Variants in FRMPD4 observed in about 807,000 individuals in gnomAD.
The protein encoded by FRMPD4 is FERM and PDZ domain containing 4, also known as FERM and PDZ domain-containing protein 4.
A neutral mutation model predicts 94.1 loss-of-function variants in FRMPD4; 22 were observed. That is an observed-to-expected ratio of 0.23 (90% CI 0.17 to 0.33). The LOEUF (loss-of-function observed/expected upper bound fraction) is 0.33. Ranked by LOEUF, FRMPD4 falls within the 10% of genes least tolerant of loss-of-function variation. FRMPD4 has a pLI of 1.00. For synonymous variants in FRMPD4, 631 were observed against 548.6 expected, an observed-to-expected ratio of 1.15 and a Z score of -2.10; for missense variants, 1,111 against 1,339.9, an observed-to-expected ratio of 0.83 and a Z score of 2.67.
intron 6 of FRMPD4, among the ~76,000 whole-genome samples, chrX:12,685,753 C>T (rs1022376719): frequency 4.5e-5 from 5 of 112,069 alleles, no homozygotes; most frequent in Non-Finnish European, 7.5e-5. Flanking sequence ...CAAACAGCAT[C>T]ATTGCTGGTC....
intron 4 of FRMPD4, among the ~76,000 whole-genome samples, chrX:12,665,149 GA>G (rs148619232): frequency 8.3e-4 from 90 of 108,309 alleles, no homozygotes; most frequent in African/African-American, 2.8e-3. Context: ...CTTTAAAAAA[GA>G]AAAAAAAACG....
chrX:12,713,471 G>C (rs1302189662), intron 14 of FRMPD4, among the ~76,000 whole-genome samples: 1 of 89,062 alleles, frequency 1.1e-5, no homozygotes, highest in Non-Finnish European at 2.2e-5. Context: ...ATACAGGGCG[G>C]GAGGTAGGTG....
At chrX:12,713,713 C>T (rs1290273401) in intron 14 of FRMPD4, among the ~76,000 whole-genome samples, 7 of 111,619 alleles carry the variant, frequency 6.3e-5, no homozygotes, top group Non-Finnish European at 7.5e-5. Context: ...TCTCTCCTTC[C>T]ACTCTGTAGG....
chrX:12,039,967 CAAAAAAAAAAAA>C (rs367795862), intron 3 of FRMPD4, among the ~76,000 whole-genome samples: 5 of 32,015 alleles, frequency 1.6e-4, no homozygotes, highest in African/African-American at 5.8e-4. Context: ...AAAACTTTGT[CAAAAAAAAAAAA>C]AAAAAGAAAA....
chrX:11,911,602 G>T (rs968657020), intron 3 of FRMPD4, among the ~76,000 whole-genome samples: 4 of 111,706 alleles, frequency 3.6e-5, no homozygotes, highest in Non-Finnish European at 7.5e-5. Context: ...CAGCAGGGAG[G>T]CTCCTCCTGA....
chrX:12,273,237 C>T (rs1410324931), intron 1 of FRMPD4, among the ~76,000 whole-genome samples: 1 of 111,825 alleles, frequency 8.9e-6, no homozygotes, highest in African/African-American at 3.3e-5. Flanking sequence ...ACAAAATGAA[C>T]GCCTTAAAAA....
intron 3 of FRMPD4, among the ~76,000 whole-genome samples, chrX:12,036,197 G>T (rs2054719511): frequency 9.0e-6 from 1 of 111,524 alleles, no homozygotes; most frequent in Non-Finnish European, 1.9e-5. Context: ...GTGTGATGTA[G>T]CTTGAAGGAC....
chrX:12,053,560 T>C (rs1312412287), intron 3 of FRMPD4, among the ~76,000 whole-genome samples: 1 of 109,400 alleles, frequency 9.1e-6, no homozygotes, highest in Admixed American at 9.7e-5. Context: ...CAGATTCTGG[T>C]GGGAAACAGT....
chrX:12,075,452 T>C (rs1204620730), intron 3 of FRMPD4, among the ~76,000 whole-genome samples: 1 of 112,048 alleles, frequency 8.9e-6, no homozygotes, highest in Non-Finnish European at 1.9e-5. Context: ...AAAGACTGCA[T>C]TAAAAATAAT....
chrX:11,848,858 T>C (rs2053602059), intron 1 of FRMPD4, among the ~76,000 whole-genome samples: 2 of 111,912 alleles, frequency 1.8e-5, no homozygotes, highest in Admixed American at 9.6e-5. Context: ...TCATACTCAA[T>C]TGTGAAAGAC....
At chrX:12,063,139 G>A (rs1420470632) in intron 3 of FRMPD4, among the ~76,000 whole-genome samples, 1 of 111,758 alleles carries the variant, frequency 8.9e-6, no homozygotes, top group Non-Finnish European at 1.9e-5. Context: ...AGAGGCCAAG[G>A]TGGGAAGATA....
chrX:11,860,982 A>G (rs16986601), intron 1 of FRMPD4, among the ~76,000 whole-genome samples: 5,458 of 112,147 alleles, frequency 0.049, 315 homozygotes, highest in African/African-American at 0.17. Context: ...AGACTCTTGA[A>G]TTCAGTTGAA....
chrX:12,606,182 A>G (rs2059130760), intron 2 of FRMPD4, among the ~76,000 whole-genome samples: 2 of 112,647 alleles, frequency 1.8e-5, no homozygotes, highest in African/African-American at 6.5e-5. Context: ...AGATACTATT[A>G]CTTGTTCCTG....
intron 3 of FRMPD4, among the ~76,000 whole-genome samples, chrX:12,009,956 A>G (rs983660963): frequency 8.9e-6 from 1 of 112,188 alleles, no homozygotes; most frequent in Non-Finnish European, 1.9e-5. Context: ...GGTTCTCATA[A>G]AAATAGTAAG....
intron 2 of FRMPD4, among the ~76,000 whole-genome samples, chrX:12,595,198 A>G (rs2059020208): frequency 1.8e-5 from 2 of 111,872 alleles, no homozygotes; most frequent in South Asian, 7.6e-4. Context: ...TGAGGAAGAC[A>G]GAAAGGCATA....
chrX:12,714,754 A>C (rs1374814750), intron 14 of FRMPD4, among the ~76,000 whole-genome samples: 1 of 111,493 alleles, frequency 9.0e-6, no homozygotes, highest in African/African-American at 3.3e-5. Context: ...CCACACTCAC[A>C]CACACACTTC....
In FRMPD4 at chrX:12,518,840, C is replaced by T. The variant is rs181243888; in HGVS notation, c.158+20044C>T. Among the ~76,000 whole-genome samples the T allele has an allele frequency of 2.7e-5, 3 of 112,282 alleles. No homozygotes were observed. The East Asian group carries it at 8.3e-4, about 31-fold the overall frequency. On this transcript the variant is annotated intron_variant, in intron 2 of 16. Transcript: ENST00000675598. ...GTGCGCGCGTGCACACACACACACA[C>T]ACACACAAACTGCTAAAACAAATTC...
At chrX:11,873,254 A>C (rs1049336302) in intron 2 of FRMPD4, among the ~76,000 whole-genome samples, 2 of 107,745 alleles carry the variant, frequency 1.9e-5, no homozygotes, top group African/African-American at 6.7e-5. Flanking sequence ...GAGTAGCAAG[A>C]AAAAAAAAAC....
intron 3 of FRMPD4, among the ~76,000 whole-genome samples, chrX:11,917,707 G>A (rs1301877043): frequency 9.0e-6 from 1 of 110,912 alleles, no homozygotes; most frequent in Non-Finnish European, 1.9e-5. Context: ...CATAAAGATG[G>A]AAACAATAGA....
Sources: gnomAD v4.1 joint callset for allele counts (sites outside exome capture counted in the v4.1 genomes callset) on GRCh38, gnomAD v4.1.1 for gene constraint, MANE v1.5 for transcripts, NCBI Gene and HGNC (gene_info 2026-07-23, HGNC 2026-07-21) for gene names.